Variants in GPR149 observed in about 807,000 individuals in gnomAD.
GPR149 encodes G protein-coupled receptor 149, also known as probable G protein-coupled receptor 149.
In GPR149, 50 loss-of-function variants were observed where a neutral mutation model predicts 50.2. The observed-to-expected ratio is 1.00, with a 90% CI of 0.79 to 1.26. The LOEUF (loss-of-function observed/expected upper bound fraction) is 1.26. Ranked by LOEUF, GPR149 falls within the 50% of genes most tolerant of loss-of-function variation. The pLI is 0.00. For synonymous variants in GPR149, 405 were observed against 358.2 expected, an observed-to-expected ratio of 1.13 and a Z score of -1.48; for missense variants, 983 against 895.4, an observed-to-expected ratio of 1.10 and a Z score of -1.25.
chr3:154,411,382 T>A (rs916417058), intron 3 of GPR149, among the ~76,000 whole-genome samples: 1 of 151,468 alleles, frequency 6.6e-6, no homozygotes, highest in Non-Finnish European at 1.5e-5. Flanking sequence ...ACAAAAAAAA[T>A]TAATACAAAA....
At chr3:154,385,013 C>T (rs372218793) in intron 3 of GPR149, among the ~76,000 whole-genome samples, 9 of 152,098 alleles carry the variant, frequency 5.9e-5, no homozygotes, top group East Asian at 5.8e-4. Context: ...ATATCTTTTG[C>T]GTGTGATAGT....
At chr3:154,377,208 A>T (rs1022793865) in intron 3 of GPR149, among the ~76,000 whole-genome samples, 1 of 151,490 alleles carries the variant, frequency 6.6e-6, no homozygotes, top group Admixed American at 6.6e-5. Flanking sequence ...TGAATATTTG[A>T]TAGTGTGGCC....
chr3:154,383,585 C>G (rs958898377), intron 3 of GPR149, among the ~76,000 whole-genome samples: 1 of 152,080 alleles, frequency 6.6e-6, no homozygotes, highest in Non-Finnish European at 1.5e-5. Context: ...ATGGACACTT[C>G]CATGACAAAG....
intron 3 of GPR149, chr3:154,353,350 A>T: frequency 7.0e-7 from 1 of 1,421,122 alleles, no homozygotes; most frequent in Non-Finnish European, 1.0e-6. Flanking sequence ...CACTGTGGGC[A>T]AGTTGCAGAA....
intron 3 of GPR149, among the ~76,000 whole-genome samples, chr3:154,376,592 G>A (rs899059950): frequency 6.6e-5 from 10 of 152,332 alleles, no homozygotes; most frequent in African/African-American, 2.4e-4. Flanking sequence ...TATTTTGGAG[G>A]AATGGAAAAC....
intron 3 of GPR149, among the ~76,000 whole-genome samples, chr3:154,406,877 G>A (rs111803257): frequency 0.011 from 1,625 of 152,292 alleles, 22 homozygotes; most frequent in African/African-American, 0.038. Context: ...ACATACCTGA[G>A]ACTGGGTAAT....
chr3:154,370,672 G>A (rs1370719682), intron 3 of GPR149, among the ~76,000 whole-genome samples: 1 of 152,068 alleles, frequency 6.6e-6, no homozygotes, highest in African/African-American at 2.4e-5. Context: ...AGAGTCCCAG[G>A]TAAGGTTGAC....
intron 3 of GPR149, among the ~76,000 whole-genome samples, chr3:154,339,193 G>T (rs1050005524): frequency 1.3e-5 from 2 of 152,156 alleles, no homozygotes; most frequent in Non-Finnish European, 2.9e-5. Flanking sequence ...CTGGTAACTT[G>T]TCAGAAATAC....
chr3:154,416,882 G>C lies in GPR149; in HGVS notation c.1623+4157C>G, dbSNP rs1005335065. On this transcript the variant is annotated intron_variant, in intron 3 of 3. Transcript: ENST00000389740. ...GCACCTTACAGATCCTATAATGATA[G>C]GATTGTAAATAGATTAAAAGTTTCA... 7.9e-5 allele frequency among the ~76,000 whole-genome samples: 12 copies of C among 151,826 alleles called. 2 individuals are homozygous for C. Among genetic ancestry groups the C allele is most frequent in the Non-Finnish European group, 1.5e-5 (1 of 67,856 alleles).
At chr3:154,411,272 C>T (rs1054113627) in intron 3 of GPR149, among the ~76,000 whole-genome samples, 2 of 152,122 alleles carry the variant, frequency 1.3e-5, no homozygotes, top group Non-Finnish European at 2.9e-5. Flanking sequence ...TGTGAGGTCA[C>T]ACCTCATGGA....
At chr3:154,427,230 A>G (rs1712327810) in intron 2 of GPR149, among the ~76,000 whole-genome samples, 1 of 152,002 alleles carries the variant, frequency 6.6e-6, no homozygotes, top group Non-Finnish European at 1.5e-5. Context: ...GCCTTTGTTG[A>G]CATGGTGTGC....
intron 3 of GPR149, among the ~76,000 whole-genome samples, chr3:154,403,329 G>A (rs1474468164): frequency 1.3e-5 from 2 of 152,144 alleles, no homozygotes; most frequent in African/African-American, 4.8e-5. Flanking sequence ...ACATAATTGG[G>A]TCCAAACAAC....
chr3:154,421,399 A>G lies in GPR149; in HGVS notation c.1263T>C (p.Asp421=), dbSNP rs1015113014. Residue 421 remains aspartate (D), a synonymous_variant, in exon 3 of 4, where the codon GAT becomes GAC. Transcript: ENST00000389740. Reference sequence around the variant, plus strand: ...GGTTGTGATAGAATATGGAATTTTCATCATCATCATAGTAATCTTCATGTG... The same window carrying G: ...GGTTGTGATAGAATATGGAATTTTCGTCATCATCATAGTAATCTTCATGTG... The part of the protein sequence containing the change: ...KIAHEDYYDD[D]ENSIFYHNLM... 1 of 1,610,984 alleles carries G rather than the reference A, an allele frequency of 6.2e-7. No individual in the cohort carries two copies. The highest frequency in any genetic ancestry group is 8.5e-7 in the Non-Finnish European group (1 of 1,177,700).
chr3:154,374,652 C>T (rs144965226), intron 3 of GPR149, among the ~76,000 whole-genome samples: 2 of 152,018 alleles, frequency 1.3e-5, no homozygotes, highest in East Asian at 3.9e-4. Flanking sequence ...CATTGGCATG[C>T]CAAATTTATT....
At chr3:154,423,442 A>C (rs1181866210) in intron 2 of GPR149, among the ~76,000 whole-genome samples, 2 of 151,878 alleles carry the variant, frequency 1.3e-5, no homozygotes, top group Non-Finnish European at 3.0e-5. Context: ...AATTATGTTA[A>C]TGGAAGCAGA....
intron 3 of GPR149, among the ~76,000 whole-genome samples, chr3:154,374,708 A>C (rs997432726): frequency 1.3e-5 from 2 of 152,174 alleles, no homozygotes; most frequent in Admixed American, 1.3e-4. Context: ...TATTAGAAGA[A>C]ATCATGGCAA....
rs1302542683 is a variant in GPR149 at position 154,338,082 on chromosome 3, C to T, written c.1813G>A (p.Asp605Asn). Residue 605 changes from aspartate (D) to asparagine (N), a missense_variant, in exon 4 of 4, where the codon GAT (aspartate) becomes AAT (asparagine). Asp to Asn is a conservative substitution (Grantham distance 23). Coordinates refer to ENST00000389740, the MANE Select transcript of GPR149 (RefSeq NM_001038705.3). ...KSVGHEPNSE[D>N]SSSTFVDTSV... ...GTGTCCACAAACGTGGATGAAGAAT[C>T]TTCTGAGTTTGGTTCATGGCCAACA... The T allele has an allele frequency of 2.5e-6, 4 of 1,614,136 alleles. No homozygotes were observed. The East Asian group carries it at 6.7e-5, about 27-fold the overall frequency.
intron 3 of GPR149, among the ~76,000 whole-genome samples, chr3:154,350,970 C>T (rs1714063189): frequency 6.6e-6 from 1 of 151,978 alleles, no homozygotes. Flanking sequence ...TTAGGGAATA[C>T]TGACAAGAAA....
At chr3:154,369,893 T>C (rs185667650) in intron 3 of GPR149, among the ~76,000 whole-genome samples, 4 of 152,310 alleles carry the variant, frequency 2.6e-5, no homozygotes, top group Non-Finnish European at 4.4e-5. Flanking sequence ...TTTAGCCAGG[T>C]AAATGATCGA....
Sources: allele counts gnomAD v4.1 joint callset (sites outside exome capture counted in the v4.1 genomes callset), GRCh38; gene constraint gnomAD v4.1.1; transcripts MANE v1.5; gene names NCBI Gene and HGNC (gene_info 2026-07-23, HGNC 2026-07-21).